Variants in SIAE observed in about 807,000 individuals in gnomAD.
SIAE encodes sialic acid acetylesterase.
SIAE carries 39 observed loss-of-function variants against 52.6 expected under a neutral mutation model. The observed-to-expected ratio is 0.74, with a 90% confidence interval of 0.57 to 0.97. SIAE has a LOEUF of 0.97. Among genes scored for constraint, SIAE ranks in the 50% least tolerant of loss-of-function variants. The pLI is 0.00. For missense variants in SIAE, 592 were observed against 662.1 expected, an observed-to-expected ratio of 0.89 and a Z score of 1.16; for synonymous variants, 233 against 241.4, an observed-to-expected ratio of 0.97 and a Z score of 0.32.
intron 3 of SIAE, among the ~76,000 whole-genome samples, chr11:124,658,472 G>A (rs1943134229): frequency 1.3e-5 from 2 of 152,216 alleles, no homozygotes; most frequent in South Asian, 4.1e-4. Context: ...GGAATGTGGG[G>A]AGTTCTGAGA....
chr11:124,646,059 T>C (rs1207447626), intron 7 of SIAE, among the ~76,000 whole-genome samples: 2 of 152,184 alleles, frequency 1.3e-5, no homozygotes, highest in African/African-American at 4.8e-5. Context: ...GCATTGTTTT[T>C]ATATCACCTT....
upstream of SIAE, chr11:124,675,552 T>C: frequency 1.1e-6 from 1 of 906,856 alleles, no homozygotes; most frequent in Non-Finnish European, 1.6e-6. Flanking sequence ...CAGTTCTTGC[T>C]CTTTGAAACA....
intron 2 of SIAE, among the ~76,000 whole-genome samples, chr11:124,667,750 A>G (rs57956486): frequency 0.025 from 3,754 of 152,262 alleles, 65 homozygotes; most frequent in East Asian, 0.093. Context: ...AGCCCTGAGC[A>G]TGCCTTCCTT....
intron 2 of SIAE, among the ~76,000 whole-genome samples, chr11:124,665,898 T>C (rs973965930): frequency 1.3e-5 from 2 of 152,152 alleles, no homozygotes; most frequent in Non-Finnish European, 2.9e-5. Context: ...GGCTTCTGTA[T>C]TATTTTAAGG....
intron 3 of SIAE, among the ~76,000 whole-genome samples, chr11:124,655,009 A>G (rs560416557): frequency 1.3e-5 from 2 of 152,210 alleles, no homozygotes; most frequent in South Asian, 4.1e-4. Context: ...ATATAATGAA[A>G]TCTGTGATCT....
intron 2 of SIAE, among the ~76,000 whole-genome samples, chr11:124,667,262 G>C (rs1276576792): frequency 1.3e-5 from 2 of 152,156 alleles, no homozygotes; most frequent in African/African-American, 4.8e-5. Flanking sequence ...AGCACTGAGA[G>C]TCCCTTGAAT....
At chr11:124,644,714 C>A (rs1395043341) in intron 7 of SIAE, among the ~76,000 whole-genome samples, 1 of 152,120 alleles carries the variant, frequency 6.6e-6, no homozygotes, top group Non-Finnish European at 1.5e-5. Flanking sequence ...CCTCCAAATC[C>A]CTATTTAAAA....
At chr11:124,647,856 A>G (rs1246660700) in intron 6 of SIAE, among the ~76,000 whole-genome samples, 2 of 152,202 alleles carry the variant, frequency 1.3e-5, no homozygotes, top group Non-Finnish European at 2.9e-5. Flanking sequence ...GCCACCAGAC[A>G]ATCTGCCAGG....
intron 7 of SIAE, among the ~76,000 whole-genome samples, chr11:124,644,935 C>T (rs766349898): frequency 3.3e-5 from 5 of 152,216 alleles, no homozygotes; most frequent in Non-Finnish European, 5.9e-5. Flanking sequence ...TCCTTACAGA[C>T]CAACTGTCCC....
rs1213009957 is a variant in SIAE, at chr11:124,645,530, A to G, written c.966+1835T>C. Among the ~76,000 whole-genome samples, 2 of 151,926 alleles carry G rather than the reference A, an allele frequency of 1.3e-5. No homozygotes were observed. Among genetic ancestry groups the G allele is most frequent in the Non-Finnish European group, 2.9e-5 (2 of 68,002 alleles). On this transcript the variant is annotated intron_variant, in intron 7 of 9. Transcript: ENST00000263593. This position sits in a 1 kb window ranked among gnomAD's most constrained non-coding sequence, Gnocchi z 4.7. ...TGGTCAGGCTGGTCTCGAACTCCCGACCTCAGGTGATCCGCCCACCTCGGC... is the reference window on the plus strand; with the variant it reads ...TGGTCAGGCTGGTCTCGAACTCCCGGCCTCAGGTGATCCGCCCACCTCGGC...
chr11:124,654,376 C>T (rs1186631505), intron 4 of SIAE: 6 of 985,128 alleles, frequency 6.1e-6, no homozygotes, highest in Admixed American at 6.2e-5. Flanking sequence ...AAGGCATCGG[C>T]GAGAGATGCT....
At chr11:124,658,785 T>A (rs554580453) in intron 3 of SIAE, 18 of 151,686 alleles carry the variant, frequency 1.2e-4, no homozygotes, top group Admixed American at 1.1e-3. Context: ...GGAGAAAGAC[T>A]CGTGTGTGTA....
At chr11:124,661,212 C>A (rs1323118754) in intron 2 of SIAE, among the ~76,000 whole-genome samples, 2 of 152,114 alleles carry the variant, frequency 1.3e-5, no homozygotes, top group African/African-American at 4.8e-5. Context: ...TTGAATGTGA[C>A]CACAGGGTAT....
At chr11:124,653,249 T>G (rs1943042840) in intron 4 of SIAE, among the ~76,000 whole-genome samples, 1 of 152,226 alleles carries the variant, frequency 6.6e-6, no homozygotes, top group Non-Finnish European at 1.5e-5. Context: ...CCTGTTTTAC[T>G]CACTACAATA....
At chr11:124,663,843 A>G (rs992277944) in intron 2 of SIAE, among the ~76,000 whole-genome samples, 2 of 152,220 alleles carry the variant, frequency 1.3e-5, no homozygotes, top group African/African-American at 4.8e-5. Context: ...TGGAGTCCAA[A>G]TAAGAAGCTT....
chr11:124,647,473 C>G lies in SIAE; in HGVS notation c.858G>C (p.Thr286=). The stretch of plus-strand genomic sequence containing the variant: ...CAGGGAATGTGCAATTGTACAGATC[C>G]GTGTTATAATTTATATTGGACTCCC... ...YQGESNINYN[T]DLYNCTFPAL... The change falls in exon 7 of 10, where the codon ACG becomes ACC. Residue 286 remains threonine (T), a synonymous_variant. Transcript: ENST00000263593. The G allele has an allele frequency of 6.2e-7, 1 of 1,614,078 alleles. No individual in the cohort carries two copies.
At chr11:124,639,547 A>T (rs1942808754) in intron 8 of SIAE, among the ~76,000 whole-genome samples, 163 bp downstream of exon 8, 1 of 152,160 alleles carries the variant, frequency 6.6e-6, no homozygotes, top group African/African-American at 2.4e-5. Flanking sequence ...GCATCAGAGA[A>T]CTGAGATGTT....
rs758475798 is a variant in SIAE, at chr11:124,673,715, A to G, written c.-7T>C. 1 of 1,613,356 alleles carries G rather than the reference A, an allele frequency of 6.2e-7. No homozygotes were observed. Among genetic ancestry groups the G allele is most frequent in the South Asian group, 1.1e-5 (1 of 90,982 alleles). On this transcript the variant is annotated 5_prime_UTR_variant, in exon 1 of 10. Coordinates refer to ENST00000263593, the MANE Select transcript of SIAE (RefSeq NM_170601.5). ...CAAGCCCCGGCGCGACCATGCTTGCAAGGATCTGACCGCCGCCTAGGACTG... is the reference window on the plus strand; with the variant it reads ...CAAGCCCCGGCGCGACCATGCTTGCGAGGATCTGACCGCCGCCTAGGACTG...
Position 124,669,354 on chromosome 11 carries a change from C to T in SIAE, c.229+6G>A, listed in dbSNP as rs1215217806. 2 of 1,613,970 alleles carry T rather than the reference C, an allele frequency of 1.2e-6. No individual in the cohort carries two copies. The highest frequency in any genetic ancestry group is 1.1e-5 in the South Asian group (1 of 91,084). On this transcript the variant is annotated splice_donor_region_variant and intron_variant, in intron 2 of 9. Transcript: ENST00000263593. Reference sequence around the variant, plus strand: ...CAATAGCTGAACGGAAGATGGGCTGCCTTACCTTTCACACTGGTCACTTTC... The same window carrying T: ...CAATAGCTGAACGGAAGATGGGCTGTCTTACCTTTCACACTGGTCACTTTC...
Sources: allele counts gnomAD v4.1 joint callset (sites outside exome capture counted in the v4.1 genomes callset), GRCh38; gene constraint gnomAD v4.1.1; non-coding constraint Gnocchi (gnomAD v3.1); transcripts MANE v1.5; gene names NCBI Gene and HGNC (gene_info 2026-07-23, HGNC 2026-07-21).